FHIT: variants seen among roughly 807,000 people sequenced by gnomAD.
The protein encoded by FHIT is bis(5'-adenosyl)-triphosphatase.
In FHIT, 19 loss-of-function variants were observed where a neutral mutation model predicts 17.9. That is an observed-to-expected ratio of 1.06 (90% CI 0.74 to 1.56). The LOEUF is 1.56. Ranked by LOEUF, FHIT falls within the 40% of genes most tolerant of loss-of-function variation. The pLI is 0.00. For synonymous variants in FHIT, 81 were observed against 69.7 expected (o/e 1.16, Z -0.81); for missense variants, 248 against 189.2 (o/e 1.31, Z -1.82).
intron 5 of FHIT, among the ~76,000 whole-genome samples, chr3:60,415,131 G>A (rs1702197957): frequency 1.3e-5 from 2 of 152,104 alleles, no homozygotes. Context: ...CCTAGTTAAG[G>A]CATGGTACCC....
At chr3:60,180,666 T>C (rs1449890842) in intron 5 of FHIT, among the ~76,000 whole-genome samples, 2 of 152,222 alleles carry the variant, frequency 1.3e-5, no homozygotes, top group Non-Finnish European at 2.9e-5. Context: ...AGGGCATATG[T>C]TGTAAAAACG....
intron 8 of FHIT, among the ~76,000 whole-genome samples, chr3:59,872,153 C>T (rs1329662484): frequency 2.0e-5 from 3 of 152,248 alleles, no homozygotes; most frequent in Admixed American, 6.5e-5. Flanking sequence ...CTCCTCAAGT[C>T]ACTGGAGTCC....
intron 3 of FHIT, among the ~76,000 whole-genome samples, chr3:60,890,440 T>C (rs941503368): frequency 3.9e-5 from 6 of 152,146 alleles, no homozygotes; most frequent in African/African-American, 4.8e-5. Flanking sequence ...CACGCCCCAA[T>C]TCCTGACCTA....
chr3:60,626,099 T>A (rs1394735785), intron 4 of FHIT, among the ~76,000 whole-genome samples: 3 of 152,220 alleles, frequency 2.0e-5, no homozygotes, highest in Non-Finnish European at 2.9e-5. Flanking sequence ...TTTATTGTTA[T>A]GTCAGCACTA....
intron 5 of FHIT, among the ~76,000 whole-genome samples, chr3:60,328,640 A>G (rs1286962154): frequency 6.6e-6 from 1 of 152,178 alleles, no homozygotes; most frequent in Admixed American, 6.6e-5. Context: ...ACACAGCCAA[A>G]CCATATCAAT....
intron 7 of FHIT, among the ~76,000 whole-genome samples, chr3:59,968,615 C>G (rs1177520518): frequency 6.6e-6 from 1 of 152,076 alleles, no homozygotes; most frequent in African/African-American, 2.4e-5. Flanking sequence ...ATATCAAGTT[C>G]TCTATCCTCC....
chr3:61,014,090 C>A (rs958545314), intron 3 of FHIT, among the ~76,000 whole-genome samples: 2 of 152,172 alleles, frequency 1.3e-5, no homozygotes, highest in African/African-American at 4.8e-5. Flanking sequence ...CTCTGCATGA[C>A]TTTCCAGATT....
chr3:59,987,289 T>C (rs1297965534), intron 7 of FHIT, among the ~76,000 whole-genome samples: 1 of 151,684 alleles, frequency 6.6e-6, no homozygotes, highest in Non-Finnish European at 1.5e-5. Context: ...ATGAGCCAGA[T>C]CATCATTCAC....
intron 8 of FHIT, among the ~76,000 whole-genome samples, chr3:59,898,833 A>G (rs1001591867): frequency 3.3e-5 from 5 of 152,194 alleles, no homozygotes; most frequent in African/African-American, 1.2e-4. Flanking sequence ...AACAACAATA[A>G]TAATGGCTGG....
At chr3:60,527,809 C>T (rs193059339) in intron 5 of FHIT, among the ~76,000 whole-genome samples, 95 of 152,252 alleles carry the variant, frequency 6.2e-4, no homozygotes, top group African/African-American at 2.0e-3. Flanking sequence ...CCCACCCCAC[C>T]GTACATAGAA....
At chr3:60,058,983 G>A (rs763473903) in intron 5 of FHIT, among the ~76,000 whole-genome samples, 3 of 151,320 alleles carry the variant, frequency 2.0e-5, no homozygotes, top group East Asian at 1.9e-4. Context: ...CATAGGAACC[G>A]AGTGAGTAAG....
chr3:60,428,868 A>C (rs1292338035), intron 5 of FHIT, among the ~76,000 whole-genome samples: 5 of 152,158 alleles, frequency 3.3e-5, no homozygotes, highest in African/African-American at 7.2e-5. Flanking sequence ...CATGCAACCC[A>C]AAGAAAATAC....
intron 5 of FHIT, among the ~76,000 whole-genome samples, chr3:60,317,670 C>G (rs1487253982): frequency 2.0e-5 from 3 of 147,068 alleles, no homozygotes; most frequent in African/African-American, 7.5e-5. Flanking sequence ...TCCCCATTAA[C>G]AAATCAGTGT....
In FHIT at chr3:60,638,256, A is replaced by T. The variant is rs541452594; in HGVS notation, c.-17-101277T>A. On this transcript the variant is annotated intron_variant, in intron 4 of 9. Coordinates refer to ENST00000492590, the MANE Select transcript of FHIT (RefSeq NM_002012.4). Reference sequence around the variant, plus strand: ...GAGGGAACGTTTTTCCTCATAGAGGAATCACAGTTAATAAAAGCAGGAGGA... The same window carrying T: ...GAGGGAACGTTTTTCCTCATAGAGGTATCACAGTTAATAAAAGCAGGAGGA... 3.3e-5 allele frequency among the ~76,000 whole-genome samples: 5 copies of T among 152,342 alleles called. 1 individual carries two copies. The South Asian group carries it at 1.0e-3, about 32-fold the overall frequency.
At chr3:60,323,988 GT>G (rs5849352) in intron 5 of FHIT, among the ~76,000 whole-genome samples, 96,065 of 149,366 alleles carry the variant, frequency 0.64, 31,013 homozygotes, top group South Asian at 0.74. Flanking sequence ...AGGTAGGGCA[GT>G]TTTTTTTAAC....
chr3:61,068,626 C>T (rs754889335), intron 2 of FHIT, among the ~76,000 whole-genome samples: 1 of 152,110 alleles, frequency 6.6e-6, no homozygotes, highest in African/African-American at 2.4e-5. Flanking sequence ...AGTATATTCA[C>T]AGGTTCTGGA....
intron 2 of FHIT, among the ~76,000 whole-genome samples, chr3:61,133,058 C>T (rs181240949): frequency 6.6e-6 from 1 of 152,126 alleles, no homozygotes; most frequent in Non-Finnish European, 1.5e-5. Flanking sequence ...GAAAGAGTTC[C>T]TGTCTCCTAA....
intron 5 of FHIT, among the ~76,000 whole-genome samples, chr3:60,456,361 C>G (rs547606641): frequency 2.0e-5 from 3 of 152,340 alleles, no homozygotes; most frequent in East Asian, 1.9e-4. Context: ...CTCCCACACA[C>G]TTCCCCAAAC....
At chr3:59,865,809 G>A (rs1702620468) in intron 8 of FHIT, among the ~76,000 whole-genome samples, 3 of 152,252 alleles carry the variant, frequency 2.0e-5, no homozygotes, top group Middle Eastern at 3.4e-3. Flanking sequence ...AACAGTCTAG[G>A]GCTACGGTGT....
Sources: gnomAD v4.1 joint callset for allele counts (sites outside exome capture counted in the v4.1 genomes callset) on GRCh38, gnomAD v4.1.1 for gene constraint, MANE v1.5 for transcripts, NCBI Gene and HGNC (gene_info 2026-07-23, HGNC 2026-07-21) for gene names.